The following DMRT1 variants were observed in gnomAD, a reference collection of about 807,000 sequenced individuals.
DMRT1 encodes the protein doublesex and mab-3 related transcription factor 1.
A neutral mutation model predicts 32.3 loss-of-function variants in DMRT1; 7 were observed. That is an observed-to-expected ratio of 0.22 (90% CI 0.12 to 0.41). The LOEUF is 0.41. Ranked by LOEUF, DMRT1 falls within the 10% of genes least tolerant of loss-of-function variation. The pLI is 1.00. For synonymous variants in DMRT1, 278 were observed against 206.1 expected, an observed-to-expected ratio of 1.35 and a Z score of -2.99; for missense variants, 625 against 500.5, an observed-to-expected ratio of 1.25 and a Z score of -2.37.
intron 3 of DMRT1, among the ~76,000 whole-genome samples, chr9:895,540 G>A (rs908627801): frequency 1.1e-4 from 16 of 152,174 alleles, no homozygotes; most frequent in South Asian, 2.1e-4. Flanking sequence ...CTTTATTGAC[G>A]TATCATGGGT....
At position 883,675 on chromosome 9, in the gene DMRT1, C is replaced by T. The variant is rs1238495032; in HGVS notation, c.539-10237C>T. On this transcript the variant is annotated intron_variant, in intron 2 of 4. Transcript: ENST00000382276. ...TGTATGGTGGCGTGCCCCTGTAGTC[C>T]CAGATACTTGGGAGGCAGAGACAGG... 3.3e-5 allele frequency among the ~76,000 whole-genome samples: 5 copies of T among 151,376 alleles called. No individual in the cohort carries two copies. The East Asian group carries it at 9.7e-4, about 29-fold the overall frequency.
chr9:895,520 A>G (rs1039703083), intron 3 of DMRT1, among the ~76,000 whole-genome samples: 6 of 152,056 alleles, frequency 3.9e-5, no homozygotes, highest in Admixed American at 2.0e-4. Context: ...CCTCTTTTTC[A>G]CTTTCCCAGC....
chr9:926,586 C>T (rs1319020544), intron 4 of DMRT1, among the ~76,000 whole-genome samples: 4 of 151,930 alleles, frequency 2.6e-5, no homozygotes, highest in Admixed American at 6.5e-5. Context: ...ATTGCTTTTA[C>T]GACTTTAATT....
intron 2 of DMRT1, among the ~76,000 whole-genome samples, chr9:862,911 C>T (rs1408366890): frequency 6.6e-6 from 1 of 152,002 alleles, no homozygotes; most frequent in East Asian, 1.9e-4. Context: ...AAGTTGGTAC[C>T]TTACATGGCA....
chr9:858,864 AAAAAAAATATATAT>A (rs1260739503), intron 2 of DMRT1, among the ~76,000 whole-genome samples: 2,180 of 29,012 alleles, frequency 0.075, 63 homozygotes, highest in African/African-American at 0.16. Flanking sequence ...AAAAAAAAAA[AAAAAAAATATATAT>A]ATATATATAT....
chr9:869,581 C>T (rs914442536), intron 2 of DMRT1, among the ~76,000 whole-genome samples: 1 of 152,142 alleles, frequency 6.6e-6, no homozygotes, highest in Non-Finnish European at 1.5e-5. Flanking sequence ...ATATTTCTCC[C>T]AAGGTCTCCT....
rs1020626751 is a variant in DMRT1 at position 965,370 on chromosome 9, T to G, written c.968-2615T>G. ...TTTTCAAAACAGGGTGAGTTTTACA[T>G]TTTCTCTAGAGTGCAGTCATGCATT... is the stretch of plus-strand genomic sequence containing the variant. On this transcript the variant is annotated intron_variant, in intron 4 of 4. Coordinates refer to ENST00000382276, the MANE Select transcript of DMRT1 (RefSeq NM_021951.3). This position sits in a 1 kb window ranked among gnomAD's most constrained non-coding sequence, Gnocchi z 4.5. Among the ~76,000 whole-genome samples, 18 of 152,356 alleles carry G rather than the reference T, an allele frequency of 1.2e-4. No individual in the cohort carries two copies. Among genetic ancestry groups the G allele is most frequent in the African/African-American group, 4.3e-4 (18 of 41,578 alleles).
chr9:943,568 A>C lies in DMRT1; in HGVS notation c.968-24417A>C, dbSNP rs12343361. On this transcript the variant is annotated intron_variant, in intron 4 of 4. Coordinates refer to ENST00000382276, the MANE Select transcript of DMRT1 (RefSeq NM_021951.3). ...TAATACACAGTTGTCTAACACTTACATCCTGAATTTGGGGTGCTGATAATT... is the reference window on the plus strand; with the variant it reads ...TAATACACAGTTGTCTAACACTTACCTCCTGAATTTGGGGTGCTGATAATT... Among the ~76,000 whole-genome samples, 756 of 152,342 alleles carry C rather than the reference A, an allele frequency of 5.0e-3. 5 individuals carry two copies. Among genetic ancestry groups the C allele is most frequent in the African/African-American group, 0.017 (726 of 41,580 alleles).
chr9:947,819 T>G (rs1022765466), intron 4 of DMRT1, among the ~76,000 whole-genome samples: 7 of 152,154 alleles, frequency 4.6e-5, no homozygotes, highest in South Asian at 2.1e-4. Flanking sequence ...AAGTCAAGTT[T>G]TATTATTGTA....
At chr9:947,806 C>G (rs1057426724) in intron 4 of DMRT1, among the ~76,000 whole-genome samples, 1 of 152,152 alleles carries the variant, frequency 6.6e-6, no homozygotes, top group Non-Finnish European at 1.5e-5. Context: ...CAAATACTGT[C>G]TGAAGTCAAG....
At chr9:898,677 C>G (rs762669248) in intron 3 of DMRT1, among the ~76,000 whole-genome samples, 2 of 152,188 alleles carry the variant, frequency 1.3e-5, no homozygotes, top group Non-Finnish European at 2.9e-5. Flanking sequence ...GACTGATTTT[C>G]TTGGTGTGAA....
At chr9:953,434 T>G (rs1382312043) in intron 4 of DMRT1, among the ~76,000 whole-genome samples, 1 of 152,196 alleles carries the variant, frequency 6.6e-6, no homozygotes, top group Non-Finnish European at 1.5e-5. Flanking sequence ...AAATGATCTG[T>G]TTCACATACA....
At chr9:872,350 T>C (rs754964029) in intron 2 of DMRT1, among the ~76,000 whole-genome samples, 2 of 152,224 alleles carry the variant, frequency 1.3e-5, no homozygotes, top group Admixed American at 6.5e-5. Flanking sequence ...CGTGAGCCAG[T>C]GCGCCCGGCC....
intron 2 of DMRT1, among the ~76,000 whole-genome samples, chr9:861,832 G>A (rs556594567): frequency 1.1e-4 from 17 of 148,266 alleles, no homozygotes; most frequent in African/African-American, 4.0e-4. Flanking sequence ...AGACGGGGCG[G>A]CCGGTCAGAG....
chr9:863,392 C>G (rs10815913), intron 2 of DMRT1, among the ~76,000 whole-genome samples: 50,007 of 150,946 alleles, frequency 0.33, 10,278 homozygotes, highest in Non-Finnish European at 0.46. Flanking sequence ...GATGCCATGA[C>G]AGAAGACACA....
chr9:897,725 C>T (rs768984313), intron 3 of DMRT1, among the ~76,000 whole-genome samples: 5 of 152,200 alleles, frequency 3.3e-5, no homozygotes, highest in South Asian at 4.1e-4. Context: ...TGAGAGCCAC[C>T]GCGCCCGGCC....
At chr9:908,727 T>G (rs1417538548) in intron 3 of DMRT1, among the ~76,000 whole-genome samples, 1 of 152,118 alleles carries the variant, frequency 6.6e-6, no homozygotes, top group African/African-American at 2.4e-5. Flanking sequence ...TAGTGGGAAA[T>G]TTGGGATTTG....
chr9:886,087 C>G (rs1347777094), intron 2 of DMRT1, among the ~76,000 whole-genome samples: 1 of 152,168 alleles, frequency 6.6e-6, no homozygotes, highest in Non-Finnish European at 1.5e-5. Context: ...CTTCAATATA[C>G]TTCTGTGGTT....
At chr9:899,805 G>A (rs1233175430) in intron 3 of DMRT1, among the ~76,000 whole-genome samples, 1 of 152,248 alleles carries the variant, frequency 6.6e-6, no homozygotes, top group Non-Finnish European at 1.5e-5. Flanking sequence ...AGGACTCTGA[G>A]CTATGCCTCG....
Sources: allele counts gnomAD v4.1 joint callset (sites outside exome capture counted in the v4.1 genomes callset), GRCh38; gene constraint gnomAD v4.1.1; non-coding constraint Gnocchi (gnomAD v3.1); transcripts MANE v1.5; gene names NCBI Gene and HGNC (gene_info 2026-07-23, HGNC 2026-07-21).